Variants in ZEB1 observed in about 807,000 individuals in gnomAD.
ZEB1 encodes the protein zinc finger E-box-binding homeobox 1.
A neutral mutation model predicts 84.9 loss-of-function variants in ZEB1; 21 were observed. The ratio of observed to expected loss-of-function variants is 0.25; its 90% CI spans 0.18 to 0.36. The LOEUF (loss-of-function observed/expected upper bound fraction) is 0.36, where lower values mean the gene tolerates loss of function less well. Among genes scored for constraint, ZEB1 ranks in the 10% least tolerant of loss-of-function variants. The pLI is 1.00. For synonymous variants in ZEB1, 420 were observed against 471.1 expected (o/e 0.89, Z 1.41); for missense variants, 1,104 against 1,330.2 (o/e 0.83, Z 2.65).
chr10:31,415,120 A>G (rs142422120), intron 1 of ZEB1, among the ~76,000 whole-genome samples: 2 of 152,296 alleles, frequency 1.3e-5, no homozygotes, highest in African/African-American at 4.8e-5. Flanking sequence ...TTCATCTGCT[A>G]GGCACTGCTG....
intron 1 of ZEB1, among the ~76,000 whole-genome samples, chr10:31,334,106 CT>C (rs1327941712): frequency 6.6e-6 from 1 of 151,868 alleles, no homozygotes; most frequent in Non-Finnish European, 1.5e-5. Context: ...AAAATAATCT[CT>C]GTTAATGTGA....
Position 31,429,733 on chromosome 10 carries a change from C to CTTTTTT in ZEB1, c.59-31282_59-31277dup, listed in dbSNP as rs35031058. Among the ~76,000 whole-genome samples, 425 of 79,560 alleles carry CTTTTTT rather than the reference C, an allele frequency of 5.3e-3. 51 individuals carry two copies. Among genetic ancestry groups the CTTTTTT allele is most frequent in the African/African-American group, 0.019 (286 of 14,908 alleles). 52.2% of individuals were successfully genotyped at this position (79,560 alleles called of 152,430 possible). On this transcript the variant is annotated intron_variant, in intron 1 of 8. Coordinates refer to ENST00000424869, the MANE Select transcript of ZEB1 (RefSeq NM_001174096.2). ...CTGTTGTGAATACTTACAGGCAGAACTTTTTTTTTTTTTTTTTTTTTTTTT... is the reference window on the plus strand; with the variant it reads ...CTGTTGTGAATACTTACAGGCAGAACTTTTTTTTTTTTTTTTTTTTTTTTTTTTTTT...
At chr10:31,435,034 T>A (rs1282661711) in intron 1 of ZEB1, among the ~76,000 whole-genome samples, 1 of 152,176 alleles carries the variant, frequency 6.6e-6, no homozygotes, top group Non-Finnish European at 1.5e-5. Flanking sequence ...TTACATTACT[T>A]AAAAAAAGAT....
chr10:31,432,247 G>C (rs1053017073), intron 1 of ZEB1, among the ~76,000 whole-genome samples: 4 of 152,158 alleles, frequency 2.6e-5, no homozygotes, highest in African/African-American at 9.7e-5. Context: ...TGAAATGTAT[G>C]CTGTATGAAT....
intron 1 of ZEB1, among the ~76,000 whole-genome samples, chr10:31,393,547 T>C (rs2050172478): frequency 6.6e-6 from 1 of 151,586 alleles, no homozygotes; most frequent in Admixed American, 6.6e-5. Context: ...TAGATAGATA[T>C]TAAATATTTT....
At chr10:31,406,338 C>T (rs2053019849) in intron 1 of ZEB1, among the ~76,000 whole-genome samples, 1 of 152,206 alleles carries the variant, frequency 6.6e-6, no homozygotes, top group South Asian at 2.1e-4. Context: ...TAGTTCTGCA[C>T]ATCCTCTCCA....
intron 1 of ZEB1, among the ~76,000 whole-genome samples, chr10:31,431,252 C>T (rs1178787316): frequency 4.6e-5 from 7 of 152,200 alleles, no homozygotes; most frequent in Non-Finnish European, 1.0e-4. Context: ...CCACATACCT[C>T]TCCTGTTATT....
chr10:31,451,993 T>C (rs1486977071), intron 1 of ZEB1, among the ~76,000 whole-genome samples: 1 of 152,302 alleles, frequency 6.6e-6, no homozygotes, highest in African/African-American at 2.4e-5. Flanking sequence ...TTTCATTCTA[T>C]TAATAGCATG....
intron 2 of ZEB1, among the ~76,000 whole-genome samples, chr10:31,462,939 A>T (rs1208249647): frequency 6.6e-6 from 1 of 152,264 alleles, no homozygotes; most frequent in East Asian, 1.9e-4. Flanking sequence ...GATAGAATAT[A>T]TAAGAATTGG....
At chr10:31,346,728 G>C (rs2040384389) in intron 1 of ZEB1, among the ~76,000 whole-genome samples, 1 of 152,006 alleles carries the variant, frequency 6.6e-6, no homozygotes, top group Non-Finnish European at 1.5e-5. Flanking sequence ...CCTTTAGTCT[G>C]GTTGTTCTTA....
chr10:31,359,422 A>G (rs1250921403), intron 1 of ZEB1, among the ~76,000 whole-genome samples: 2 of 152,080 alleles, frequency 1.3e-5, no homozygotes, highest in Non-Finnish European at 2.9e-5. Context: ...CAAAAATTCC[A>G]CCTTCATTTA....
intron 1 of ZEB1, among the ~76,000 whole-genome samples, chr10:31,439,915 A>C (rs922404711): frequency 6.6e-6 from 1 of 152,136 alleles, no homozygotes; most frequent in African/African-American, 2.4e-5. Flanking sequence ...GTTTGACAAG[A>C]TTCCACTGAT....
intron 1 of ZEB1, among the ~76,000 whole-genome samples, chr10:31,329,286 A>G (rs1260171016): frequency 6.6e-6 from 1 of 152,120 alleles, no homozygotes; most frequent in East Asian, 1.9e-4. Flanking sequence ...ATCATGCAGT[A>G]TGTCCTTTCT....
chr10:31,453,675 TGGA>T (rs2060863574), intron 1 of ZEB1, among the ~76,000 whole-genome samples: 2 of 152,186 alleles, frequency 1.3e-5, no homozygotes, highest in Non-Finnish European at 2.9e-5. Flanking sequence ...GATAAATTCC[TGGA>T]CACATACACC....
At chr10:31,409,257 A>C (rs1338240057) in intron 1 of ZEB1, among the ~76,000 whole-genome samples, 3 of 152,132 alleles carry the variant, frequency 2.0e-5, no homozygotes, top group East Asian at 1.9e-4. Context: ...CAGGTGCTGG[A>C]GAGGATGTGG....
chr10:31,483,021 T>G (rs1275285033), intron 2 of ZEB1, among the ~76,000 whole-genome samples: 1 of 152,038 alleles, frequency 6.6e-6, no homozygotes, highest in Non-Finnish European at 1.5e-5. Flanking sequence ...TCGCGATACC[T>G]TGAACTTCAG....
At chr10:31,324,842 C>T (rs2133064458) in intron 1 of ZEB1, among the ~76,000 whole-genome samples, 1 of 152,034 alleles carries the variant, frequency 6.6e-6, no homozygotes, top group South Asian at 2.1e-4. Flanking sequence ...AATCATTCAA[C>T]TAGATATGAA....
intron 1 of ZEB1, among the ~76,000 whole-genome samples, chr10:31,379,273 C>T (rs1044315515): frequency 6.6e-6 from 1 of 151,948 alleles, no homozygotes; most frequent in African/African-American, 2.4e-5. Flanking sequence ...CATAAAATAA[C>T]CTACTTTGTA....
At chr10:31,454,475 G>A (rs7087758) in intron 1 of ZEB1, among the ~76,000 whole-genome samples, 37,874 of 151,990 alleles carry the variant, frequency 0.25, 10,456 homozygotes, top group African/African-American at 0.69. Context: ...GAGGAAGTCA[G>A]ATTGTCTCTG....
Sources: allele counts gnomAD v4.1 joint callset (sites outside exome capture counted in the v4.1 genomes callset), GRCh38; gene constraint gnomAD v4.1.1; transcripts MANE v1.5; gene names NCBI Gene and HGNC (gene_info 2026-07-23, HGNC 2026-07-21).